TNIK: variants seen among roughly 807,000 people sequenced by gnomAD.
The protein encoded by TNIK is TRAF2 and NCK interacting kinase.
TNIK carries 49 observed loss-of-function variants against 191.3 expected under a neutral mutation model. That is an observed-to-expected ratio of 0.26 (90% CI 0.20 to 0.32). The LOEUF is 0.32. Ranked by LOEUF, TNIK falls within the 10% of genes least tolerant of loss-of-function variation. TNIK has a pLI of 1.00. For synonymous variants in TNIK, 594 were observed against 600.9 expected (o/e 0.99, Z 0.17); for missense variants, 1,155 against 1,702.3 (o/e 0.68, Z 5.66).
chr3:171,252,663 G>A (rs1746374806), intron 2 of TNIK, among the ~76,000 whole-genome samples: 1 of 152,172 alleles, frequency 6.6e-6, no homozygotes, highest in Non-Finnish European at 1.5e-5. Context: ...TCATTGCATA[G>A]CATTGGTTCT....
intron 2 of TNIK, among the ~76,000 whole-genome samples, chr3:171,281,584 G>A (rs766162852): frequency 2.0e-5 from 3 of 151,586 alleles, no homozygotes; most frequent in Non-Finnish European, 4.4e-5. Flanking sequence ...GCTTACAGGT[G>A]CTTCTTCCAC....
At chr3:171,289,148 G>A (rs1184681848) in intron 2 of TNIK, among the ~76,000 whole-genome samples, 1 of 152,064 alleles carries the variant, frequency 6.6e-6, no homozygotes, top group Admixed American at 6.6e-5. Context: ...ATGAAGTGGG[G>A]GTAAGAATGA....
chr3:171,156,907 C>A (rs1332918360), intron 12 of TNIK, among the ~76,000 whole-genome samples: 1 of 152,182 alleles, frequency 6.6e-6, no homozygotes, highest in Non-Finnish European at 1.5e-5. Flanking sequence ...TCACTGTGAT[C>A]TAGTTAATAC....
At chr3:171,205,876 G>A (rs1740007818) in intron 4 of TNIK, among the ~76,000 whole-genome samples, 1 of 152,110 alleles carries the variant, frequency 6.6e-6, no homozygotes, top group African/African-American at 2.4e-5. Flanking sequence ...CTTTTTATGA[G>A]GGCACTAATC....
intron 4 of TNIK, among the ~76,000 whole-genome samples, chr3:171,196,887 T>C (rs1350641335): frequency 6.6e-6 from 1 of 151,850 alleles, no homozygotes; most frequent in Non-Finnish European, 1.5e-5. Context: ...CTCGAGTAGC[T>C]GGGACTACAG....
intron 1 of TNIK, among the ~76,000 whole-genome samples, chr3:171,415,647 A>G (rs1344363743): frequency 6.6e-6 from 1 of 152,156 alleles, no homozygotes; most frequent in African/African-American, 2.4e-5. Flanking sequence ...AACAACTGTT[A>G]CAATAGTTAC....
At chr3:171,225,690 C>T (rs1028885414) in intron 3 of TNIK, 38 of 451,024 alleles carry the variant, frequency 8.4e-5, no homozygotes, top group Admixed American at 3.1e-4. Flanking sequence ...CTTTTAATTC[C>T]AAGCAAGGTG....
intron 18 of TNIK, among the ~76,000 whole-genome samples, chr3:171,122,163 T>A (rs1360251581): frequency 1.3e-5 from 2 of 152,240 alleles, no homozygotes; most frequent in African/African-American, 4.8e-5. Context: ...GGTAATTCTC[T>A]TTTTGGTTGA....
rs1721050466 is a variant in TNIK at position 171,084,173 on chromosome 3, G to C, written c.3151C>G (p.Leu1051Val). The change falls in exon 26 of 33, where the codon CTT (leucine) becomes GTT (valine). Residue 1051 changes from leucine to valine, a missense_variant. Leu to Val is a conservative substitution (Grantham distance 32, BLOSUM62 1). Coordinates refer to ENST00000436636, the MANE Select transcript of TNIK (RefSeq NM_015028.4). ...KYKKRFNSEI[L>V]CAALWGVNLL... is the part of the protein sequence containing the mutation. ...AACATACCCCACAGAGCTGCACAAA[G>C]TATTTCTGAGTTGAATCGTTTCTTG... is the stretch of plus-strand genomic sequence containing the variant. 1 of 1,607,028 alleles carries C rather than the reference G, an allele frequency of 6.2e-7. No individual in the cohort carries two copies. Among genetic ancestry groups the C allele is most frequent in the Non-Finnish European group, 8.5e-7 (1 of 1,177,058 alleles).
intron 2 of TNIK, among the ~76,000 whole-genome samples, chr3:171,254,161 G>C (rs1300073283): frequency 6.6e-6 from 1 of 152,168 alleles, no homozygotes; most frequent in African/African-American, 2.4e-5. Context: ...TGGAACAACA[G>C]AACAAAGACC....
intron 2 of TNIK, among the ~76,000 whole-genome samples, chr3:171,282,335 T>G (rs368498908): frequency 9.3e-5 from 9 of 96,826 alleles, no homozygotes; most frequent in African/African-American, 3.9e-4. Flanking sequence ...CTCTTAATGG[T>G]TTTTTGTTTT....
chr3:171,423,948 C>A (rs1193253490), intron 1 of TNIK, among the ~76,000 whole-genome samples: 5 of 151,970 alleles, frequency 3.3e-5, no homozygotes, highest in African/African-American at 4.8e-5. Flanking sequence ...CTAAAACACC[C>A]AAAGCAATGG....
chr3:171,373,876 C>T (rs922882988), intron 1 of TNIK, among the ~76,000 whole-genome samples: 2 of 151,868 alleles, frequency 1.3e-5, no homozygotes, highest in African/African-American at 2.4e-5. Context: ...AGCGTCACTG[C>T]CTCTCTCTCT....
chr3:171,418,158 G>A (rs911974922), intron 1 of TNIK, among the ~76,000 whole-genome samples: 6 of 152,114 alleles, frequency 3.9e-5, no homozygotes, highest in East Asian at 1.9e-4. Context: ...TAATTCCATC[G>A]AGTGTTCCTA....
chr3:171,342,713 A>G (rs1055728008), intron 2 of TNIK, among the ~76,000 whole-genome samples: 1 of 152,210 alleles, frequency 6.6e-6, no homozygotes, highest in Admixed American at 6.5e-5. Context: ...AGAAAAGACA[A>G]ATCTCCTATG....
At chr3:171,271,092 A>G (rs2109189315) in intron 2 of TNIK, among the ~76,000 whole-genome samples, 1 of 152,316 alleles carries the variant, frequency 6.6e-6, no homozygotes, top group South Asian at 2.1e-4. Context: ...TACATCTGAG[A>G]GGGAGAGATT....
intron 1 of TNIK, among the ~76,000 whole-genome samples, chr3:171,450,456 G>A (rs557678084): frequency 6.6e-6 from 1 of 152,304 alleles, no homozygotes; most frequent in Non-Finnish European, 1.5e-5. Flanking sequence ...ATCCAGTTGA[G>A]GGACGTGGTA....
chr3:171,157,468 G>T lies in TNIK; in HGVS notation c.1213C>A (p.Leu405Met). The T allele has an allele frequency of 6.4e-7, 1 of 1,562,602 alleles. No homozygotes were observed. The highest frequency in any genetic ancestry group is 8.7e-7 in the Non-Finnish European group (1 of 1,154,008). ...IEEQKEQRRR[L>M]EEQQRREKEL... ...CCCGAGCAGGTCCTCACCTCCTCCA[G>T]CCGCCGCCTCTGCTCTTTCTGCTCC... The change falls in exon 12 of 33, where the codon CTG becomes ATG. Residue 405 changes from leucine (L) to methionine (M), a missense_variant. By Grantham distance (15) the Leu-to-Met change is conservative. Coordinates refer to ENST00000436636, the MANE Select transcript of TNIK (RefSeq NM_015028.4).
intron 24 of TNIK, among the ~76,000 whole-genome samples, chr3:171,085,887 C>T (rs929332130): frequency 1.3e-5 from 2 of 152,110 alleles, no homozygotes; most frequent in Non-Finnish European, 2.9e-5. Context: ...AGCAATGTAC[C>T]TTGAAGGCTT....
Sources: allele counts gnomAD v4.1 joint callset (sites outside exome capture counted in the v4.1 genomes callset), GRCh38; gene constraint gnomAD v4.1.1; transcripts MANE v1.5; gene names NCBI Gene and HGNC (gene_info 2026-07-23, HGNC 2026-07-21).